Variants in RBFOX1 observed in about 807,000 individuals in gnomAD.
RBFOX1 encodes the protein RNA binding protein fox-1 homolog 1.
A neutral mutation model predicts 57.7 loss-of-function variants in RBFOX1; 8 were observed. The observed-to-expected ratio is 0.14, with a 90% CI of 0.08 to 0.25. RBFOX1 has a LOEUF of 0.25. RBFOX1 is among the 10% of genes least tolerant of loss of function. The pLI is 1.00. For missense variants in RBFOX1, 611 were observed against 548.5 expected, an observed-to-expected ratio of 1.11 and a Z score of -1.14; for synonymous variants, 326 against 222.4, an observed-to-expected ratio of 1.47 and a Z score of -4.15.
At chr16:7,307,210 G>C (rs1459698708) in intron 4 of RBFOX1, among the ~76,000 whole-genome samples, 2 of 152,174 alleles carry the variant, frequency 1.3e-5, no homozygotes, top group African/African-American at 4.8e-5. Context: ...CGGCCATCGA[G>C]TCTTCCCTGA....
At chr16:6,904,286 G>T (rs190571816) in intron 3 of RBFOX1, among the ~76,000 whole-genome samples, 46 of 152,212 alleles carry the variant, frequency 3.0e-4, no homozygotes, top group Admixed American at 2.6e-3. Context: ...TGTGAGGCAC[G>T]AGTGGTAGGC....
chr16:6,994,051 G>A (rs775988863), intron 3 of RBFOX1, among the ~76,000 whole-genome samples: 3 of 152,158 alleles, frequency 2.0e-5, no homozygotes. Context: ...CCCTCTGGGA[G>A]TTTAACAAAC....
At chr16:5,511,072 G>T (rs562270788) in intron 2 of RBFOX1, among the ~76,000 whole-genome samples, 1 of 152,096 alleles carries the variant, frequency 6.6e-6, no homozygotes, top group African/African-American at 2.4e-5. Context: ...GCAATTGGCC[G>T]TGAAAAAAAA....
chr16:5,557,084 C>A lies in RBFOX1; in HGVS notation c.259-41818C>A, dbSNP rs1002279928. Among the ~76,000 whole-genome samples, 4 of 151,826 alleles carry A rather than the reference C, an allele frequency of 2.6e-5. No homozygotes were observed. The East Asian group carries it at 5.8e-4, about 22-fold the overall frequency. On this transcript the variant is annotated intron_variant, in intron 2 of 2. Coordinates refer to the RBFOX1 transcript ENST00000585867. ...GCCATCCTAGTTAACACAGTGAAAC[C>A]CCATCTCTACCAAGAATACAAAAAA...
intron 4 of RBFOX1, among the ~76,000 whole-genome samples, chr16:7,176,450 A>T (rs1191452622): frequency 1.3e-5 from 2 of 152,074 alleles, no homozygotes; most frequent in Admixed American, 1.3e-4. Context: ...GGTATCTATT[A>T]TGTGTACGAG....
At chr16:6,809,255 C>G (rs2087783953) in intron 3 of RBFOX1, among the ~76,000 whole-genome samples, 1 of 152,170 alleles carries the variant, frequency 6.6e-6, no homozygotes, top group Non-Finnish European at 1.5e-5. Flanking sequence ...GGGCTGCCTT[C>G]TGAATCGTTC....
At chr16:7,511,144 A>T (rs1417457887) in intron 4 of RBFOX1, among the ~76,000 whole-genome samples, 1 of 152,214 alleles carries the variant, frequency 6.6e-6, no homozygotes, top group East Asian at 1.9e-4. Context: ...CTTCTCAGTG[A>T]AAGTCAGGTA....
intron 2 of RBFOX1, among the ~76,000 whole-genome samples, chr16:6,595,023 G>A (rs919802264): frequency 1.3e-5 from 2 of 152,060 alleles, no homozygotes; most frequent in Non-Finnish European, 2.9e-5. Context: ...TTCTGAGCTC[G>A]TTATCCACCC....
At chr16:5,988,716 G>T (rs8057452) in intron 4 of RBFOX1, among the ~76,000 whole-genome samples, 51,176 of 152,036 alleles carry the variant, frequency 0.34, 9,057 homozygotes, top group East Asian at 0.57. Context: ...GTGCCTGTCA[G>T]GGTGACATCT....
rs940052896 is a variant in RBFOX1, at chr16:6,604,084, T to G, written c.-63-50519T>G. Among the ~76,000 whole-genome samples, 6 of 152,224 alleles carry G rather than the reference T, an allele frequency of 3.9e-5. No homozygotes were observed. In the South Asian group the frequency reaches 1.2e-3, roughly 32 times the overall value. ...CCTTTGAAACACCCAGATCCCTTTT[T>G]GGTTCCTTCCTCTACCCCATCTGCT... is the stretch of plus-strand genomic sequence containing the variant. On this transcript the variant is annotated intron_variant, in intron 2 of 15. Transcript: ENST00000550418.
intron 1 of RBFOX1, among the ~76,000 whole-genome samples, chr16:5,255,724 C>T (rs1187644612): frequency 6.6e-6 from 1 of 152,078 alleles, no homozygotes; most frequent in East Asian, 2.0e-4. Flanking sequence ...ATGTACGTAT[C>T]CATCCATCTG....
chr16:5,248,673 G>C (rs2062365879), intron 1 of RBFOX1, among the ~76,000 whole-genome samples: 2 of 152,084 alleles, frequency 1.3e-5, no homozygotes, highest in African/African-American at 4.8e-5. Flanking sequence ...CTGTTCGGGG[G>C]AGACTGCAAA....
chr16:5,627,704 A>G lies in RBFOX1; in HGVS notation c.318+28743A>G, dbSNP rs568110718. Among the ~76,000 whole-genome samples, 141 of 152,352 alleles carry G rather than the reference A, an allele frequency of 9.3e-4. 5 individuals are homozygous for G. The South Asian group carries it at 0.019, about 21-fold the overall frequency. On this transcript the variant is annotated intron_variant, in intron 3 of 19. Coordinates refer to the RBFOX1 transcript ENST00000641259. The stretch of plus-strand genomic sequence containing the variant: ...CTGAAGGTTGAAAAATAAAAGAAAC[A>G]GTAAAAATAATACAAATAAAAAATA...
intron 1 of RBFOX1, among the ~76,000 whole-genome samples, chr16:5,277,346 G>A (rs572468233): frequency 6.6e-6 from 1 of 152,170 alleles, no homozygotes; most frequent in South Asian, 2.1e-4. Flanking sequence ...TATATACATT[G>A]GGTAAACTGC....
intron 14 of RBFOX1, among the ~76,000 whole-genome samples, chr16:7,696,077 G>A (rs1465416941): frequency 6.6e-6 from 1 of 152,188 alleles, no homozygotes; most frequent in Non-Finnish European, 1.5e-5. Context: ...TGTGTCGAGA[G>A]TGCCAACACA....
intron 10 of RBFOX1, among the ~76,000 whole-genome samples, chr16:7,619,247 G>C (rs2058934561): frequency 6.6e-6 from 1 of 151,914 alleles, no homozygotes; most frequent in South Asian, 2.1e-4. Context: ...TATGATTCTA[G>C]TGTTTGGTTG....
chr16:5,397,435 A>G (rs181880884), intron 1 of RBFOX1, among the ~76,000 whole-genome samples: 25 of 152,346 alleles, frequency 1.6e-4, no homozygotes, highest in African/African-American at 5.8e-4. Flanking sequence ...TGAAACCATG[A>G]GACCATGCCT....
intron 3 of RBFOX1, among the ~76,000 whole-genome samples, chr16:6,970,165 A>G (rs1419747140): frequency 6.6e-6 from 1 of 152,010 alleles, no homozygotes; most frequent in Non-Finnish European, 1.5e-5. Flanking sequence ...GCAACAGAAC[A>G]AGACTCTGGG....
chr16:6,716,477 A>C (rs902736540), intron 3 of RBFOX1, among the ~76,000 whole-genome samples: 21 of 152,094 alleles, frequency 1.4e-4, no homozygotes, highest in African/African-American at 5.1e-4. Flanking sequence ...TTTTTGGCTA[A>C]ATCTGTTATT....
Sources: allele counts gnomAD v4.1 joint callset (sites outside exome capture counted in the v4.1 genomes callset), GRCh38; gene constraint gnomAD v4.1.1; transcripts MANE v1.5; gene names NCBI Gene and HGNC (gene_info 2026-07-23, HGNC 2026-07-21).